Variants in FOXP2 observed in about 807,000 individuals in gnomAD.
FOXP2 encodes the protein forkhead box protein P2.
A neutral mutation model predicts 115.8 loss-of-function variants in FOXP2; 12 were observed. That is an observed-to-expected ratio of 0.10 (90% CI 0.07 to 0.17). The LOEUF is 0.17. Ranked by LOEUF, FOXP2 falls within the 10% of genes least tolerant of loss-of-function variation. FOXP2 has a pLI of 1.00. For synonymous variants in FOXP2, 328 were observed against 297.7 expected (o/e 1.10, Z -1.05); for missense variants, 629 against 843.5 (o/e 0.75, Z 3.15).
At chr7:114,635,589 A>G (rs575140006) in intron 6 of FOXP2, among the ~76,000 whole-genome samples, 138 of 152,286 alleles carry the variant, frequency 9.1e-4, no homozygotes, top group African/African-American at 3.2e-3. Context: ...ACATATATAG[A>G]AAAATATTGA....
chr7:114,509,547 T>C (rs778098492), intron 2 of FOXP2, among the ~76,000 whole-genome samples: 2 of 151,816 alleles, frequency 1.3e-5, no homozygotes, highest in Non-Finnish European at 2.9e-5. Flanking sequence ...TTTTGATAGG[T>C]TGATGTGAGT....
chr7:114,403,000 T>C (rs1428677908), intron 2 of FOXP2, among the ~76,000 whole-genome samples: 1 of 152,122 alleles, frequency 6.6e-6, no homozygotes, highest in Non-Finnish European at 1.5e-5. Flanking sequence ...ACCAGCTACA[T>C]CTATGTTCAT....
At chr7:114,086,409 G>T (rs1173970006), upstream of FOXP2, 12 of 345,186 alleles carry the variant, frequency 3.5e-5, no homozygotes, top group Non-Finnish European at 6.2e-5. Flanking sequence ...CCCGCAGCCC[G>T]CCCGCGAACG....
At chr7:114,678,597 A>G (rs1158182452) in intron 16 of FOXP2, among the ~76,000 whole-genome samples, 1 of 86,082 alleles carries the variant, frequency 1.2e-5, no homozygotes, top group Non-Finnish European at 2.1e-5. Flanking sequence ...GCAACACTTT[A>G]TGCCCCTTCC....
At chr7:114,468,821 C>T (rs1192477593) in intron 2 of FOXP2, among the ~76,000 whole-genome samples, 2 of 152,066 alleles carry the variant, frequency 1.3e-5, no homozygotes, top group Non-Finnish European at 2.9e-5. Context: ...ATTCAACTTC[C>T]AATTCTCATC....
chr7:114,683,858 T>A (rs1473160115), intron 16 of FOXP2, among the ~76,000 whole-genome samples: 1 of 152,124 alleles, frequency 6.6e-6, no homozygotes, highest in African/African-American at 2.4e-5. Context: ...TAGGTGGAGA[T>A]CAGATCATAG....
At chr7:114,086,838 G>C (rs1303838812), upstream of FOXP2, among the ~76,000 whole-genome samples, 1 of 151,980 alleles carries the variant, frequency 6.6e-6, no homozygotes, top group Non-Finnish European at 1.5e-5. Flanking sequence ...ATCACCACTT[G>C]TTGTTCTCTT....
intron 1 of FOXP2, among the ~76,000 whole-genome samples, chr7:114,174,097 C>G (rs1021708151): frequency 3.9e-5 from 6 of 151,970 alleles, no homozygotes; most frequent in Non-Finnish European, 8.8e-5. Context: ...GTAGTAGTCT[C>G]TCTTTTGCCC....
intron 2 of FOXP2, among the ~76,000 whole-genome samples, chr7:114,464,210 C>A (rs1018855800): frequency 1.1e-4 from 16 of 151,784 alleles, no homozygotes; most frequent in Non-Finnish European, 2.9e-5. Context: ...AGGGTAGATA[C>A]TAAGACCTCC....
chr7:114,582,126 A>G (rs1483139256), intron 3 of FOXP2, among the ~76,000 whole-genome samples: 1 of 152,124 alleles, frequency 6.6e-6, no homozygotes, highest in Non-Finnish European at 1.5e-5. Context: ...AAGAGGGAAA[A>G]CAAAGTATTG....
chr7:114,252,121 T>A (rs1795462865), intron 1 of FOXP2, among the ~76,000 whole-genome samples: 1 of 152,222 alleles, frequency 6.6e-6, no homozygotes, highest in Non-Finnish European at 1.5e-5. Context: ...TGAACCAGCC[T>A]TGCATCCCAG....
intron 2 of FOXP2, among the ~76,000 whole-genome samples, chr7:114,343,987 A>T (rs1791275790): frequency 8.0e-6 from 1 of 124,440 alleles, no homozygotes; most frequent in Admixed American, 8.9e-5. Flanking sequence ...TTGCACATTA[A>T]TTTTTTTCTG....
At chr7:114,164,381 T>A (rs1217917190) in intron 1 of FOXP2, among the ~76,000 whole-genome samples, 1 of 151,664 alleles carries the variant, frequency 6.6e-6, no homozygotes, top group Non-Finnish European at 1.5e-5. Flanking sequence ...AGTCTCACTC[T>A]GTCACCAGGC....
chr7:114,625,807 T>C (rs1227863786), intron 3 of FOXP2, among the ~76,000 whole-genome samples: 1 of 151,778 alleles, frequency 6.6e-6, no homozygotes, highest in Non-Finnish European at 1.5e-5. Context: ...TTAGTTTGGG[T>C]GAGCTTATAT....
chr7:114,181,844 G>T (rs564380886), intron 1 of FOXP2, among the ~76,000 whole-genome samples: 1 of 152,054 alleles, frequency 6.6e-6, no homozygotes, highest in East Asian at 1.9e-4. Flanking sequence ...ATTTGATAAA[G>T]AAATCTATAT....
chr7:114,275,975 C>A (rs1165210809), intron 1 of FOXP2, among the ~76,000 whole-genome samples: 19 of 152,142 alleles, frequency 1.2e-4, no homozygotes, highest in Non-Finnish European at 2.8e-4. Context: ...TGGGTTGGAG[C>A]TGGGCATTTC....
rs1387291855 is a variant in FOXP2, at chr7:114,121,919, G to C, written c.-247+34081G>C. ...TGGGAAAAGATTGTCCCATCAGGTA[G>C]TAAGTACCTATTTGAAGAAACATTG... On this transcript the variant is annotated intron_variant, in intron 1 of 19. Coordinates refer to the FOXP2 transcript ENST00000635638. Among the ~76,000 whole-genome samples, 3 of 152,202 alleles carry C rather than the reference G, an allele frequency of 2.0e-5. No homozygotes were observed. The South Asian group carries it at 6.2e-4, about 32-fold the overall frequency.
chr7:114,442,273 G>A (rs1794637327), intron 2 of FOXP2, among the ~76,000 whole-genome samples: 1 of 151,776 alleles, frequency 6.6e-6, no homozygotes, highest in Admixed American at 6.6e-5. Flanking sequence ...AAGGCAAACT[G>A]ATGTAAACAG....
chr7:114,538,891 A>C (rs1799520354), intron 3 of FOXP2, among the ~76,000 whole-genome samples: 1 of 151,794 alleles, frequency 6.6e-6, no homozygotes, highest in African/African-American at 2.4e-5. Flanking sequence ...TGTATGGAAA[A>C]CCATTGCGCA....
Sources: allele counts gnomAD v4.1 joint callset (sites outside exome capture counted in the v4.1 genomes callset), GRCh38; gene constraint gnomAD v4.1.1; transcripts MANE v1.5; gene names NCBI Gene and HGNC (gene_info 2026-07-23, HGNC 2026-07-21).